Variants in CACNA1B observed in about 807,000 individuals in gnomAD.
The protein encoded by CACNA1B is voltage-dependent N-type calcium channel subunit alpha-1B.
Under a neutral mutation model 247.2 loss-of-function variants are expected in CACNA1B, and 70 were observed. The observed-to-expected ratio is 0.28, with a 90% confidence interval of 0.23 to 0.35. CACNA1B has a LOEUF of 0.35. Among genes scored for constraint, CACNA1B ranks in the 10% least tolerant of loss-of-function variants. The pLI, the probability that CACNA1B is intolerant of heterozygous loss-of-function variation, is 1.00. For missense variants in CACNA1B, 2,367 were observed against 3,197.4 expected (o/e 0.74, Z 6.26); for synonymous variants, 1,231 against 1,294.4 (o/e 0.95, Z 1.05).
At chr9:137,902,829 A>G (rs1174888066) in intron 3 of CACNA1B, among the ~76,000 whole-genome samples, 1 of 152,184 alleles carries the variant, frequency 6.6e-6, no homozygotes, top group Non-Finnish European at 1.5e-5. Flanking sequence ...ATGCAGGGTG[A>G]GGGCCCCACG....
At position 138,118,068 on chromosome 9, in the gene CACNA1B, G is replaced by A. The variant is rs202026908; in HGVS notation, c.5900G>A (p.Arg1967Gln). Reference sequence around the variant, plus strand: ...CACTCCACAGAGATCCCTGTGGGGCGGTCAGGAGCACTGGTGAGCACTCCC... The same window carrying A: ...CACTCCACAGAGATCCCTGTGGGGCAGTCAGGAGCACTGGTGAGCACTCCC... ...RGHSTEIPVG[R>Q]SGALAVDVQM... Residue 1967 changes from arginine to glutamine, a missense_variant, in exon 43 of 47, where the codon CGG (arginine) becomes CAG (glutamine). Physicochemically the swap from Arg to Gln is conservative, Grantham distance 43. Transcript: ENST00000371372. 1.5e-5 allele frequency: 24 copies of A among 1,582,486 alleles called. No homozygotes were observed. Among genetic ancestry groups the A allele is most frequent in the South Asian group, 4.7e-5 (4 of 85,860 alleles).
intron 6 of CACNA1B, among the ~76,000 whole-genome samples, chr9:137,951,323 C>T (rs1284440506): frequency 6.6e-6 from 1 of 152,238 alleles, no homozygotes; most frequent in Admixed American, 6.5e-5. Context: ...GGGGTGGAGG[C>T]TGCAAATCCG....
At chr9:138,109,293 A>C (rs934163981) in intron 39 of CACNA1B, among the ~76,000 whole-genome samples, 1 of 152,238 alleles carries the variant, frequency 6.6e-6, no homozygotes, top group African/African-American at 2.4e-5. Flanking sequence ...TCCTATACAA[A>C]AAGAGACATT....
At chr9:138,075,078 A>G (rs1960267297) in intron 34 of CACNA1B, among the ~76,000 whole-genome samples, 1 of 152,368 alleles carries the variant, frequency 6.6e-6, no homozygotes, top group East Asian at 1.9e-4. Context: ...CACTTTTCCA[A>G]CAGCAGGGAC....
chr9:137,966,387 G>C (rs932288103), intron 10 of CACNA1B, among the ~76,000 whole-genome samples: 2 of 151,320 alleles, frequency 1.3e-5, no homozygotes, highest in Non-Finnish European at 2.9e-5. Context: ...ACCAGGCCTG[G>C]CTAATTTTTT....
chr9:137,971,193 C>A lies in CACNA1B; in HGVS notation c.1334-190C>A, dbSNP rs539152720. 9.0e-4 allele frequency among the ~76,000 whole-genome samples: 137 copies of A among 152,256 alleles called. No individual in the cohort carries two copies. Among genetic ancestry groups the A allele is most frequent in the African/African-American group, 3.2e-3 (132 of 41,552 alleles). ...GGCTCTCACATCTGGCACCCAGTAA[C>A]CATGGAGATCATCAGGGCCTTGGTT... On this transcript the variant is annotated intron_variant, in intron 10 of 46. Coordinates refer to ENST00000371372, the MANE Select transcript of CACNA1B (RefSeq NM_000718.4). The surrounding 1 kb of genome is among the most constrained non-coding windows in gnomAD (Gnocchi z 4.4).
Position 138,120,183 on chromosome 9 carries a change from C to A in CACNA1B, c.6049C>A (p.Pro2017Thr). 1 of 1,605,646 alleles carries A rather than the reference C, an allele frequency of 6.2e-7. No homozygotes were observed. The highest frequency in any genetic ancestry group is 8.5e-7 in the Non-Finnish European group (1 of 1,177,058). ...CCCACAGCCCGTCACAGATGCCAGC[C>A]CCATGAAGCGCTCCATCTCCACGCT... ...AETQPVTDAS[P>T]MKRSISTLAQ... The change falls in exon 45 of 47, where the codon CCC (proline) becomes ACC (threonine). Residue 2017 changes from proline (P) to threonine (T), a missense_variant. Around this residue, in one of 12 missense-constraint regions of CACNA1B, gnomAD observed 773 missense variants for 779.4 expected, o/e 0.99. Transcript: ENST00000371372.
In CACNA1B at chr9:138,052,236, G is replaced by A. The variant is rs201131709; in HGVS notation, c.3807+48G>A. On this transcript the variant is annotated intron_variant, in intron 25 of 46. Coordinates refer to ENST00000371372, the MANE Select transcript of CACNA1B (RefSeq NM_000718.4). This position sits in a 1 kb window ranked among gnomAD's most constrained non-coding sequence, Gnocchi z 5.1. ...TGAGGGATGTGCTGTGTGTGTGTGC[G>A]TGTGTGTGTGTGCGTGTGTGTGTGT... The A allele has an allele frequency of 3.3e-5, 29 of 876,380 alleles. No individual in the cohort carries two copies. Among genetic ancestry groups the A allele is most frequent in the Middle Eastern group, 2.4e-4 (1 of 4,238 alleles). 54.3% of individuals were successfully genotyped at this position (876,380 alleles called of 1,614,324 possible).
intron 36 of CACNA1B, among the ~76,000 whole-genome samples, chr9:138,082,131 G>A (rs1960540722): frequency 6.6e-6 from 1 of 150,914 alleles, no homozygotes; most frequent in Non-Finnish European, 1.5e-5. Context: ...CACAATAAAA[G>A]AAAAAATAAA....
At chr9:138,115,782 C>T in intron 42 of CACNA1B, 103 bp downstream of exon 42, 5 of 1,254,206 alleles carry the variant, frequency 4.0e-6, no homozygotes, top group African/African-American at 1.5e-5. Flanking sequence ...CCCTCACTTC[C>T]ACTGGCCTCT....
rs923082110 is a variant in CACNA1B, at chr9:137,992,862, G to T, written c.1974+6008G>T. On this transcript the variant is annotated intron_variant, in intron 15 of 46. Coordinates refer to ENST00000371372, the MANE Select transcript of CACNA1B (RefSeq NM_000718.4). ...CTCAGACGATAGTGGAATAAAATTG[G>T]AAATCAACTCCAAAGGCACCCACAA... Among the ~76,000 whole-genome samples the T allele has an allele frequency of 6.6e-5, 10 of 151,792 alleles. No homozygotes were observed. In the South Asian group the frequency reaches 2.1e-3, roughly 32 times the overall value.
chr9:137,922,070 G>C (rs1470104050), intron 6 of CACNA1B, among the ~76,000 whole-genome samples: 1 of 149,740 alleles, frequency 6.7e-6, no homozygotes, highest in African/African-American at 2.5e-5. Flanking sequence ...AGCATCCTGG[G>C]AGCAGAGTAA....
chr9:138,054,037 C>A lies in CACNA1B; in HGVS notation c.3968+31C>A. On this transcript the variant is annotated intron_variant, in intron 26 of 46. Transcript: ENST00000371372. The surrounding 1 kb of genome is among the most constrained non-coding windows in gnomAD (Gnocchi z 4.6). ...CTGAGGCAGGGTGCAAGGTGGGACA[C>A]ACAGCCCCATGATGCAGACAACACT... 1 of 1,606,376 alleles carries A rather than the reference C, an allele frequency of 6.2e-7. No individual in the cohort carries two copies. Among genetic ancestry groups the A allele is most frequent in the Non-Finnish European group, 8.5e-7 (1 of 1,173,350 alleles).
intron 11 of CACNA1B, among the ~76,000 whole-genome samples, 180 bp from the exon 12 acceptor site, chr9:137,975,727 C>T (rs1376068912): frequency 2.0e-5 from 3 of 152,324 alleles, no homozygotes; most frequent in African/African-American, 4.8e-5. Context: ...GGTACCTCTC[C>T]GTGTCCCTCT....
In CACNA1B at chr9:138,007,915, C is replaced by T. The variant is rs1372291648; in HGVS notation, c.2092+1031C>T. Among the ~76,000 whole-genome samples, 1 of 152,234 alleles carries T rather than the reference C, an allele frequency of 6.6e-6. No homozygotes were observed. The highest frequency in any genetic ancestry group is 1.5e-5 in the Non-Finnish European group (1 of 68,052). ...GCCCTCAGTGCCCTTGCAGACTTCA[C>T]CTTCTTTCCTGTCTCCATCTCCCTG... On this transcript the variant is annotated intron_variant, in intron 16 of 46. Transcript: ENST00000371372. The surrounding 1 kb of genome is among the most constrained non-coding windows in gnomAD (Gnocchi z 4.1).
At chr9:137,890,262 G>A (rs1294225642) in intron 3 of CACNA1B, 1 of 149,592 alleles carries the variant, frequency 6.7e-6, no homozygotes, top group African/African-American at 2.4e-5. Flanking sequence ...GCCTCTCTGC[G>A]GATCTTTCAC....
chr9:138,119,468 C>G (rs1228059690), intron 44 of CACNA1B, among the ~76,000 whole-genome samples: 1 of 152,170 alleles, frequency 6.6e-6, no homozygotes, highest in Admixed American at 6.5e-5. Flanking sequence ...GACCGGAGCC[C>G]CCGTGCCAGC....
In CACNA1B at chr9:137,950,052, G is replaced by A. The variant is rs938038585; in HGVS notation, c.967-2222G>A. Among the ~76,000 whole-genome samples the A allele has an allele frequency of 2.0e-5, 3 of 152,326 alleles. No individual in the cohort carries two copies. Among genetic ancestry groups the A allele is most frequent in the African/African-American group, 4.8e-5 (2 of 41,582 alleles). The stretch of plus-strand genomic sequence containing the variant: ...CTTGGATCTCAGTTAAGCATTCTGC[G>A]TTGGCTGTCAGGGAAGGAGGAGGGC... On this transcript the variant is annotated intron_variant, in intron 6 of 46. Coordinates refer to ENST00000371372, the MANE Select transcript of CACNA1B (RefSeq NM_000718.4). The surrounding 1 kb of genome is among the most constrained non-coding windows in gnomAD (Gnocchi z 4.8).
chr9:137,938,391 C>T (rs1957694268), intron 6 of CACNA1B, among the ~76,000 whole-genome samples: 1 of 152,026 alleles, frequency 6.6e-6, no homozygotes, highest in African/African-American at 2.4e-5. Context: ...AGTATGATGA[C>T]TAGAATAGTA....
Sources: allele counts gnomAD v4.1 joint callset (sites outside exome capture counted in the v4.1 genomes callset), GRCh38; gene constraint gnomAD v4.1.1; regional missense constraint gnomAD v4.1.1; non-coding constraint Gnocchi (gnomAD v3.1); transcripts MANE v1.5; gene names NCBI Gene and HGNC (gene_info 2026-07-23, HGNC 2026-07-21).